The following CELF2 variants were observed in gnomAD, a reference collection of about 807,000 sequenced individuals.
CELF2 encodes CUG triplet repeat RNA-binding protein 2.
CELF2 carries 8 observed loss-of-function variants against 62.6 expected under a neutral mutation model. The ratio of observed to expected loss-of-function variants is 0.13; its 90% CI spans 0.07 to 0.23. The LOEUF (loss-of-function observed/expected upper bound fraction) is 0.23, where lower values mean the gene tolerates loss of function less well. Ranked by LOEUF, CELF2 falls within the 10% of genes least tolerant of loss-of-function variation. The probability of loss-of-function intolerance (pLI) is 1.00; values close to 1 mark genes in which losing one functional copy is unlikely to be tolerated. For missense variants in CELF2, 333 were observed against 671.0 expected, an observed-to-expected ratio of 0.50 and a Z score of 5.56; for synonymous variants, 258 against 250.0, an observed-to-expected ratio of 1.03 and a Z score of -0.30.
At chr10:10,999,996 A>G (rs761628567) in intron 2 of CELF2, among the ~76,000 whole-genome samples, 1 of 152,180 alleles carries the variant, frequency 6.6e-6, no homozygotes, top group Non-Finnish European at 1.5e-5. Flanking sequence ...TTCCACATAA[A>G]TATTAAACGC....
At chr10:10,871,122 G>A (rs1189377320) in intron 1 of CELF2, among the ~76,000 whole-genome samples, 1 of 152,230 alleles carries the variant, frequency 6.6e-6, no homozygotes, top group Non-Finnish European at 1.5e-5. Flanking sequence ...CCGGTTCGCA[G>A]TCAAGCTGAG....
At chr10:11,180,480 C>T (rs145391945) in intron 2 of CELF2, among the ~76,000 whole-genome samples, 4 of 152,236 alleles carry the variant, frequency 2.6e-5, no homozygotes, top group East Asian at 3.9e-4. Flanking sequence ...TGTCTGGACT[C>T]GGTAAAACCG....
chr10:10,705,106 A>G, the CELF2 span, among the ~76,000 whole-genome samples: 6 of 152,064 alleles, frequency 3.9e-5, no homozygotes, highest in Non-Finnish European at 7.4e-5. Context: ...AGATCGCTTG[A>G]GCGTAGATAT....
the CELF2 span, among the ~76,000 whole-genome samples, chr10:10,664,821 G>C: frequency 6.6e-6 from 1 of 152,278 alleles, no homozygotes; most frequent in East Asian, 1.9e-4. Context: ...TCATCACAAA[G>C]ACAGAAATGG....
chr10:10,767,010 AC>A, the CELF2 span, among the ~76,000 whole-genome samples: 1 of 152,204 alleles, frequency 6.6e-6, no homozygotes. Flanking sequence ...TGGAACAGGA[AC>A]AGGTGAGTGT....
chr10:11,312,229 A>G (rs544035947), intron 9 of CELF2, among the ~76,000 whole-genome samples: 66 of 152,360 alleles, frequency 4.3e-4, no homozygotes, highest in African/African-American at 1.4e-3. Flanking sequence ...AACCAAAGCT[A>G]AAAGACTTTT....
intron 2 of CELF2, among the ~76,000 whole-genome samples, chr10:11,197,150 G>A (rs1047688005): frequency 7.9e-5 from 12 of 152,014 alleles, no homozygotes; most frequent in African/African-American, 2.7e-4. Flanking sequence ...CTGTAGGCAG[G>A]GTAGGGATGA....
chr10:10,916,506 A>G (rs564924636), intron 1 of CELF2, among the ~76,000 whole-genome samples: 1 of 152,340 alleles, frequency 6.6e-6, no homozygotes, highest in South Asian at 2.1e-4. Context: ...TTTTGCTTTC[A>G]AGGTAGGGCC....
chr10:11,162,601 C>G (rs2065970064), intron 1 of CELF2, among the ~76,000 whole-genome samples: 1 of 144,274 alleles, frequency 6.9e-6, no homozygotes, highest in Non-Finnish European at 1.5e-5. Flanking sequence ...GTAGCCTAAA[C>G]TGGGGTGGGG....
intron 3 of CELF2, among the ~76,000 whole-genome samples, chr10:11,226,630 A>G (rs1042625557): frequency 7.4e-5 from 11 of 149,502 alleles, no homozygotes; most frequent in Admixed American, 4.6e-4. Context: ...ACACACACAC[A>G]CACACACACA....
rs2082476996 is a variant in CELF2, at chr10:11,267,509, T to C, written c.618+832T>C. Among the ~76,000 whole-genome samples the C allele has an allele frequency of 6.6e-6, 1 of 152,248 alleles. No individual in the cohort carries two copies. Among genetic ancestry groups the C allele is most frequent in the African/African-American group, 2.4e-5 (1 of 41,466 alleles). ...AGTGCATGTTCTGCTGTATTATGTA[T>C]ACTGTATCTTTGTGTATGGGTGATC... On this transcript the variant is annotated intron_variant, in intron 6 of 12. Coordinates refer to ENST00000633077, the MANE Select transcript of CELF2 (RefSeq NM_001326342.2). This position sits in a 1 kb window ranked among gnomAD's most constrained non-coding sequence, Gnocchi z 4.4.
chr10:11,131,067 T>G (rs1480656595), intron 1 of CELF2, among the ~76,000 whole-genome samples: 1 of 152,256 alleles, frequency 6.6e-6, no homozygotes, highest in Non-Finnish European at 1.5e-5. Context: ...TTGAATCACT[T>G]GTATTACATT....
At chr10:11,232,828 G>A (rs540137049) in intron 3 of CELF2, among the ~76,000 whole-genome samples, 1 of 152,300 alleles carries the variant, frequency 6.6e-6, no homozygotes, top group South Asian at 2.1e-4. Context: ...ATATGTGGCG[G>A]GACTGTCATG....
chr10:10,503,557 T>C, the CELF2 span, among the ~76,000 whole-genome samples: 2 of 151,952 alleles, frequency 1.3e-5, no homozygotes, highest in African/African-American at 4.8e-5. Context: ...TTAATGTTTG[T>C]ATGATATATC....
the CELF2 span, among the ~76,000 whole-genome samples, chr10:10,664,718 G>C: frequency 4.6e-5 from 7 of 152,312 alleles, no homozygotes; most frequent in East Asian, 9.6e-4. Context: ...GAAAACGTAA[G>C]AGAAATTTTG....
In CELF2 at chr10:11,207,920, T is replaced by C. The variant is rs2060830519; in HGVS notation, c.272-9505T>C. Among the ~76,000 whole-genome samples the C allele has an allele frequency of 6.6e-6, 1 of 152,180 alleles. No homozygotes were observed. The highest frequency in any genetic ancestry group is 6.5e-5 in the Admixed American group (1 of 15,280). On this transcript the variant is annotated intron_variant, in intron 2 of 12. Transcript: ENST00000633077. This position sits in a 1 kb window ranked among gnomAD's most constrained non-coding sequence, Gnocchi z 4.1. ...AAAAAAGGGTTGTGTTAGGTGACTG[T>C]TGGAGAGACATTTCAGATGAGAGGT...
intron 1 of CELF2, among the ~76,000 whole-genome samples, chr10:10,900,514 C>A (rs548653992): frequency 6.6e-6 from 1 of 152,110 alleles, no homozygotes; most frequent in East Asian, 1.9e-4. Context: ...TACATTCATT[C>A]TTGATAAAGA....
At chr10:10,612,023 C>T in the CELF2 span, among the ~76,000 whole-genome samples, 7 of 152,280 alleles carry the variant, frequency 4.6e-5, no homozygotes, top group African/African-American at 1.4e-4. Context: ...ACCCTCTCTA[C>T]TGGTTATGGT....
intron 1 of CELF2, among the ~76,000 whole-genome samples, chr10:11,034,456 ATTTTT>A (rs199562787): frequency 6.7e-6 from 1 of 150,200 alleles, no homozygotes; most frequent in Non-Finnish European, 1.5e-5. Flanking sequence ...GTTAATTTTT[ATTTTT>A]TTTGCTGTGT....
Sources: gnomAD v4.1 joint callset for allele counts (sites outside exome capture counted in the v4.1 genomes callset) on GRCh38, gnomAD v4.1.1 for gene constraint, Gnocchi (gnomAD v3.1) non-coding constraint, MANE v1.5 for transcripts, NCBI Gene and HGNC (gene_info 2026-07-23, HGNC 2026-07-21) for gene names.